The following CSRNP1 variants were observed in gnomAD, a reference collection of about 807,000 sequenced individuals.
CSRNP1 encodes the protein cysteine and serine rich nuclear protein 1, also known as cysteine/serine-rich nuclear protein 1.
Under a neutral mutation model 25.0 loss-of-function variants are expected in CSRNP1, and 8 were observed. The ratio of observed to expected loss-of-function variants is 0.32; its 90% CI spans 0.19 to 0.58. CSRNP1 has a LOEUF of 0.58. Ranked by LOEUF, CSRNP1 falls within the 20% of genes least tolerant of loss-of-function variation. The pLI, the probability that CSRNP1 is intolerant of heterozygous loss-of-function variation, is 0.88. For missense variants in CSRNP1, 691 were observed against 773.1 expected (o/e 0.89, Z 1.26); for synonymous variants, 305 against 303.1 (o/e 1.01, Z -0.06).
rs753715691 is a variant in CSRNP1, at chr3:39,143,487, G to C, written c.1338C>G (p.Gly446=). Residue 446 remains glycine (G), a synonymous_variant, in exon 5 of 5, where the codon GGC becomes GGG. Transcript: ENST00000273153. ...GLASWTHSYS[G]CSFTSGVLDE... is the part of the protein sequence containing the mutation. The stretch of plus-strand genomic sequence containing the variant: ...CCAGGACGCCTGATGTGAAGCTACA[G>C]CCAGAATAGCTGTGGGTCCAGCTGG... 1.2e-6 allele frequency: 2 copies of C among 1,614,138 alleles called. No homozygotes were observed. Among genetic ancestry groups the C allele is most frequent in the Admixed American group, 3.3e-5 (2 of 60,016 alleles).
intron 3 of CSRNP1, 83 bp downstream of exon 3, chr3:39,144,914 C>T: frequency 1.4e-6 from 2 of 1,461,958 alleles, no homozygotes; most frequent in Non-Finnish European, 1.8e-6. Context: ...CAAGTCAGCA[C>T]CCACCCCTGG....
At chr3:39,147,426 A>G (rs71323700) in intron 1 of CSRNP1, among the ~76,000 whole-genome samples, 19,554 of 151,952 alleles carry the variant, frequency 0.13, 1,288 homozygotes, top group Middle Eastern at 0.18. Flanking sequence ...GTTGGCCTCC[A>G]TTCCTAGACG....
intron 1 of CSRNP1, among the ~76,000 whole-genome samples, chr3:39,148,104 AC>A (rs1173097896): frequency 6.6e-6 from 1 of 152,080 alleles, no homozygotes; most frequent in Non-Finnish European, 1.5e-5. Context: ...GATAATGTTT[AC>A]CCCAGGGACA....
chr3:39,142,925 C>A lies in CSRNP1; in HGVS notation c.*130G>T. ...ATAAATCCAGAGAATTGTTTGAAAACCAGGAGTGTGCACATGGCACCTGTG... is the reference window on the plus strand; with the variant it reads ...ATAAATCCAGAGAATTGTTTGAAAAACAGGAGTGTGCACATGGCACCTGTG... On this transcript the variant is annotated 3_prime_UTR_variant, in exon 5 of 5. Coordinates refer to ENST00000273153, the MANE Select transcript of CSRNP1 (RefSeq NM_033027.4). The A allele has an allele frequency of 9.9e-7, 1 of 1,014,268 alleles. No individual in the cohort carries two copies. The highest frequency in any genetic ancestry group is 1.7e-5 in the South Asian group (1 of 58,528). The allele number at this position is 1,014,268 out of a possible 1,614,324, so 62.8% of individuals were successfully genotyped here. A position where few individuals can be genotyped will look rare whatever the true frequency, so the allele number is the denominator to read the frequency against.
chr3:39,143,719 G>A lies in CSRNP1; in HGVS notation c.1106C>T (p.Pro369Leu), dbSNP rs1376452319. 2 of 1,614,238 alleles carry A rather than the reference G, an allele frequency of 1.2e-6. No individual in the cohort carries two copies. Among genetic ancestry groups the A allele is most frequent in the East Asian group, 4.5e-5 (2 of 44,880 alleles). The change falls in exon 5 of 5, where the codon CCT (proline) becomes CTT (leucine). Residue 369 changes from proline (P) to leucine (L), a missense_variant. Physicochemically the swap from Pro to Leu is moderately conservative, Grantham distance 98. Transcript: ENST00000273153. ...SSSASGTSEA[P>L]DCPTHPGLPG... ...CAGGCCTGGGTGGGTGGGGCAGTCA[G>A]GAGCCTCACTAGTGCCCGATGCTGA...
chr3:39,154,456 C>T (rs956508419), upstream of CSRNP1: 3 of 152,396 alleles, frequency 2.0e-5, no homozygotes, highest in African/African-American at 7.2e-5. Context: ...AGCCCACCCT[C>T]AGCCCCACTT....
intron 1 of CSRNP1, chr3:39,151,197 G>C (rs1222154364): frequency 6.6e-6 from 1 of 152,228 alleles, no homozygotes; most frequent in Non-Finnish European, 1.5e-5. Context: ...GGAAGGAAAA[G>C]CAGTTCCCAG....
In CSRNP1 at chr3:39,146,677, A is replaced by G; in HGVS notation, c.6T>C (p.Thr2=). 6.4e-7 allele frequency: 1 copy of G among 1,561,368 alleles called. No individual in the cohort carries two copies. The highest frequency in any genetic ancestry group is 8.7e-7 in the Non-Finnish European group (1 of 1,152,678). The stretch of plus-strand genomic sequence containing the variant: ...GGTCAAATTTCCTCTTCAACAGCCC[A>G]GTCATGGTGGTGCCGGACGTGCTCT... M[T]GLLKRKFDQL... is the part of the protein sequence containing the mutation. The change falls in exon 2 of 5, where the codon ACT becomes ACC. Residue 2 remains threonine (T), a synonymous_variant. Coordinates refer to ENST00000273153, the MANE Select transcript of CSRNP1 (RefSeq NM_033027.4).
Position 39,142,328 on chromosome 3 carries a change from G to C in CSRNP1, c.*727C>G, listed in dbSNP as rs2039423000. ...GAAGTGGAGGGGGCAGGGTGGGGCA[G>C]AAGGGAGTTTTGGTCACAGCTGTTC... On this transcript the variant is annotated 3_prime_UTR_variant, in exon 5 of 5. Transcript: ENST00000273153. The C allele has an allele frequency of 6.6e-6, 1 of 152,480 alleles. No individual in the cohort carries two copies. Among genetic ancestry groups the C allele is most frequent in the South Asian group, 2.1e-4 (1 of 4,840 alleles). The allele number at this position is 152,480 out of a possible 1,614,324, so 9.4% of individuals were successfully genotyped here. A position where few individuals can be genotyped will look rare whatever the true frequency, so the allele number is the denominator to read the frequency against.
chr3:39,153,766 A>G (rs1188754702), upstream of CSRNP1: 28 of 137,750 alleles, frequency 2.0e-4, no homozygotes, highest in Middle Eastern at 0.019. Flanking sequence ...CTCCCTGCGG[A>G]CTGTGACCCG....
In CSRNP1 at chr3:39,153,422, GC is replaced by G; in HGVS notation, c.-41+15del. On this transcript the variant is annotated intron_variant, in intron 1 of 4. Coordinates refer to ENST00000273153, the MANE Select transcript of CSRNP1 (RefSeq NM_033027.4). ...AAAGTCCCGTCCTGCCGGGCCCGAGGCCCCTCGGCGCTCACCTGCAATCCGG... is the reference window on the plus strand; with the variant it reads ...AAAGTCCCGTCCTGCCGGGCCCGAGGCCCTCGGCGCTCACCTGCAATCCGG... 3 of 303,166 alleles carry G rather than the reference GC, an allele frequency of 9.9e-6. No individual in the cohort carries two copies. Among genetic ancestry groups the G allele is most frequent in the Admixed American group, 4.4e-5 (1 of 22,796 alleles). The allele number at this position is 303,166 out of a possible 1,614,324, so 18.8% of individuals were successfully genotyped here.
chr3:39,152,459 G>A (rs1338353272), intron 1 of CSRNP1: 2 of 153,134 alleles, frequency 1.3e-5, no homozygotes, highest in Admixed American at 6.5e-5. Flanking sequence ...ATAGGAGAAA[G>A]GCAGATACCA....
chr3:39,153,531 G>A lies in CSRNP1; in HGVS notation c.-134C>T. 9.6e-6 allele frequency: 2 copies of A among 208,688 alleles called. No individual in the cohort carries two copies. Among genetic ancestry groups the A allele is most frequent in the Admixed American group, 5.9e-5 (1 of 17,072 alleles). The allele number at this position is 208,688 out of a possible 1,614,324, so 12.9% of individuals were successfully genotyped here. ...GCGACTCTGTGCGCTCGGCCCGGCA[G>A]CCGTCGGTCCAGCCGCCCCTCGCTC... On this transcript the variant is annotated 5_prime_UTR_variant, in exon 1 of 5. Coordinates refer to ENST00000273153, the MANE Select transcript of CSRNP1 (RefSeq NM_033027.4).
chr3:39,144,887 C>T lies in CSRNP1; in HGVS notation c.465+110G>A, dbSNP rs545615315. 1.2e-5 allele frequency: 16 copies of T among 1,328,552 alleles called. No individual in the cohort carries two copies. The African/African-American group carries it at 2.1e-4, about 17-fold the overall frequency. 82.3% of individuals were successfully genotyped at this position (1,328,552 alleles called of 1,614,324 possible). A position where few individuals can be genotyped will look rare whatever the true frequency, so the allele number is the denominator to read the frequency against. On this transcript the variant is annotated intron_variant, in intron 3 of 4. Transcript: ENST00000273153. Reference sequence around the variant, plus strand: ...ATCACCAGGCCCACAGGCCTGTTTCCCCATAACCATAATGAGCAAGTCAGC... The same window carrying T: ...ATCACCAGGCCCACAGGCCTGTTTCTCCATAACCATAATGAGCAAGTCAGC...
chr3:39,154,218 G>C (rs1322678720), upstream of CSRNP1: 1 of 152,204 alleles, frequency 6.6e-6, no homozygotes, highest in African/African-American at 2.4e-5. Flanking sequence ...CTGCCCACGG[G>C]CCAAGAGACC....
chr3:39,149,088 C>T (rs1417157897), intron 1 of CSRNP1: 1 of 150,192 alleles, frequency 6.7e-6, no homozygotes, highest in African/African-American at 2.4e-5. Flanking sequence ...GTGATAAGTG[C>T]TCAGTGAATG....
In CSRNP1 at chr3:39,143,125, A is replaced by C. The variant is rs1252855900; in HGVS notation, c.1700T>G (p.Leu567Arg). Residue 567 changes from leucine to arginine, a missense_variant, in exon 5 of 5, where the codon CTA becomes CGA. Leu to Arg is a moderately radical substitution (Grantham distance 102). Transcript: ENST00000273153. Reference sequence around the variant, plus strand: ...AAACTGGCTGTCAATAAAGGGATCTAGGGCTTCGGCGGCTGGCTCGGAGAA... The same window carrying C: ...AAACTGGCTGTCAATAAAGGGATCTCGGGCTTCGGCGGCTGGCTCGGAGAA... ...MGFSEPAAEA[L>R]DPFIDSQFED... 6.2e-7 allele frequency: 1 copy of C among 1,613,902 alleles called. No individual in the cohort carries two copies. The highest frequency in any genetic ancestry group is 1.1e-5 in the South Asian group (1 of 91,068).
chr3:39,144,260 G>T lies in CSRNP1; in HGVS notation c.657C>A (p.Ile219=). The T allele has an allele frequency of 6.2e-7, 1 of 1,614,130 alleles. No homozygotes were observed. The highest frequency in any genetic ancestry group is 8.5e-7 in the Non-Finnish European group (1 of 1,180,022). ...ALLRASGVRR[I]DREEKRELQA... ...GCAGCTCCCGCTTCTCCTCCCGATC[G>T]ATCCTTCGCACACCTGAAGCCCTCA... The change falls in exon 4 of 5, where the codon ATC becomes ATA. Residue 219 remains isoleucine, a synonymous_variant. Transcript: ENST00000273153.
At chr3:39,145,381 G>GA (rs35493551) in intron 2 of CSRNP1, 125 bp from the exon 3 acceptor site, 4 of 1,204,420 alleles carry the variant, frequency 3.3e-6, no homozygotes, top group Admixed American at 6.4e-5. Flanking sequence ...CACCCATTTT[G>GA]AAAAAAGAAA....
Sources: allele counts gnomAD v4.1 joint callset (sites outside exome capture counted in the v4.1 genomes callset), GRCh38; gene constraint gnomAD v4.1.1; transcripts MANE v1.5; gene names NCBI Gene and HGNC (gene_info 2026-07-23, HGNC 2026-07-21).